Variants in ADGRD1 observed in about 807,000 individuals in gnomAD.
ADGRD1 encodes adhesion G protein-coupled receptor D1.
A neutral mutation model predicts 113.4 loss-of-function variants in ADGRD1; 77 were observed. The ratio of observed to expected loss-of-function variants is 0.68; its 90% CI spans 0.57 to 0.82. The LOEUF (loss-of-function observed/expected upper bound fraction) is 0.82, where lower values mean the gene tolerates loss of function less well. Ranked by LOEUF, ADGRD1 falls within the 40% of genes least tolerant of loss-of-function variation. The probability of loss-of-function intolerance (pLI) is 0.00; values close to 1 mark genes in which losing one functional copy is unlikely to be tolerated. For synonymous variants in ADGRD1, 474 were observed against 475.0 expected, an observed-to-expected ratio of 1.00 and a Z score of 0.03; for missense variants, 1,036 against 1,139.1, an observed-to-expected ratio of 0.91 and a Z score of 1.30.
intron 18 of ADGRD1, among the ~76,000 whole-genome samples, chr12:131,109,871 G>A (rs1391818737): frequency 6.6e-6 from 1 of 152,122 alleles, no homozygotes; most frequent in Admixed American, 6.5e-5. Flanking sequence ...TCAATTTGTT[G>A]ATGTTGTTTC....
At chr12:130,972,398 G>A (rs1871779599) in intron 4 of ADGRD1, among the ~76,000 whole-genome samples, 1 of 152,154 alleles carries the variant, frequency 6.6e-6, no homozygotes, top group African/African-American at 2.4e-5. Context: ...TGAGTTCATT[G>A]TACATGATTG....
chr12:131,139,002 ATCC>A (rs1951179530), intron 24 of ADGRD1, among the ~76,000 whole-genome samples, 163 bp from the exon 25 acceptor site: 1 of 152,112 alleles, frequency 6.6e-6, no homozygotes, highest in East Asian at 1.9e-4. Context: ...CAGTGCGCAC[ATCC>A]TCATCTCCCC....
chr12:131,136,869 T>C lies in ADGRD1; in HGVS notation c.2395-104T>C, dbSNP rs535024368. On this transcript the variant is annotated intron_variant, in intron 22 of 24. Transcript: ENST00000261654. Reference sequence around the variant, plus strand: ...CAGGTCATGGGACCTGGTGTCACAGTGTGCGGTGCCAGTGCCACTCCCAGG... The same window carrying C: ...CAGGTCATGGGACCTGGTGTCACAGCGTGCGGTGCCAGTGCCACTCCCAGG... 389 of 906,864 alleles carry C rather than the reference T, an allele frequency of 4.3e-4. No homozygotes were observed. The African/African-American group carries it at 5.2e-3, about 12-fold the overall frequency. 56.2% of individuals were successfully genotyped at this position (906,864 alleles called of 1,614,324 possible).
rs994318064 is a variant in ADGRD1 at position 130,954,177 on chromosome 12, C to G, written c.-289C>G. The G allele has an allele frequency of 1.9e-5, 7 of 364,726 alleles. No individual in the cohort carries two copies. The highest frequency in any genetic ancestry group is 2.9e-5 in the Non-Finnish European group (6 of 206,388). 22.6% of individuals were successfully genotyped at this position (364,726 alleles called of 1,614,324 possible). On this transcript the variant is annotated 5_prime_UTR_variant, in exon 1 of 25. Coordinates refer to ENST00000261654, the MANE Select transcript of ADGRD1 (RefSeq NM_198827.5). This position sits in a 1 kb window ranked among gnomAD's most constrained non-coding sequence, Gnocchi z 4.7. ...CACAGTGGTGACCTGGGATTGCTTT[C>G]CCAGGACTGCGAGTCGGGTTTGGGT... is the stretch of plus-strand genomic sequence containing the variant.
intron 17 of ADGRD1, among the ~76,000 whole-genome samples, 154 bp downstream of exon 17, chr12:131,106,019 C>T (rs1321056694): frequency 6.6e-6 from 1 of 152,006 alleles, no homozygotes; most frequent in Non-Finnish European, 1.5e-5. Context: ...AAGCAGAGAT[C>T]GTGACGTGCA....
At chr12:131,093,139 A>C (rs1471682816) in intron 15 of ADGRD1, among the ~76,000 whole-genome samples, 1 of 151,814 alleles carries the variant, frequency 6.6e-6, no homozygotes, top group Non-Finnish European at 1.5e-5. Context: ...TGACATATGC[A>C]CTGAGAAGGA....
chr12:130,975,154 G>C (rs1872156777), intron 4 of ADGRD1, among the ~76,000 whole-genome samples: 1 of 152,132 alleles, frequency 6.6e-6, no homozygotes, highest in African/African-American at 2.4e-5. Context: ...GGAATGTTCT[G>C]GCACCTTCTT....
chr12:131,063,987 A>T (rs1016662726), intron 13 of ADGRD1, among the ~76,000 whole-genome samples: 1 of 152,228 alleles, frequency 6.6e-6, no homozygotes, highest in Non-Finnish European at 1.5e-5. Flanking sequence ...AGTTTTTGGC[A>T]TACAGGTCCT....
At chr12:131,119,980 C>T (rs115188827) in intron 19 of ADGRD1, among the ~76,000 whole-genome samples, 168 of 152,294 alleles carry the variant, frequency 1.1e-3, no homozygotes, top group African/African-American at 3.8e-3. Flanking sequence ...GGCTCAGATT[C>T]CTCATCTGCA....
rs1421274627 is a variant in ADGRD1, at chr12:131,084,548, A to G, written c.1556A>G (p.Glu519Gly). The G allele has an allele frequency of 1.2e-6, 2 of 1,613,960 alleles. No individual in the cohort carries two copies. The highest frequency in any genetic ancestry group is 1.7e-6 in the Non-Finnish European group (2 of 1,179,986). Residue 519 changes from glutamate (E) to glycine (G), a missense_variant, in exon 15 of 25, where the codon GAA (glutamate) becomes GGA (glycine). Glu to Gly is a moderately conservative substitution (Grantham distance 98, BLOSUM62 -2). Transcript: ENST00000261654. The surrounding 1 kb of genome is among the most constrained non-coding windows in gnomAD (Gnocchi z 4.5). ...TTCTCCTGTGTCCTCAGCTCCGGAG[A>G]AGGGGTCTGGTCGAACCACGGCTGT... ...YCAFLDFSSG[E>G]GVWSNHGCAL... is the part of the protein sequence containing the mutation.
intron 20 of ADGRD1, among the ~76,000 whole-genome samples, chr12:131,122,722 C>T (rs1039344910): frequency 3.9e-5 from 6 of 152,226 alleles, no homozygotes; most frequent in Non-Finnish European, 5.9e-5. Context: ...TCTAGAACCG[C>T]AGGGCCTGGG....
intron 20 of ADGRD1, among the ~76,000 whole-genome samples, chr12:131,130,423 G>A (rs953245074): frequency 6.6e-6 from 1 of 152,174 alleles, no homozygotes; most frequent in Non-Finnish European, 1.5e-5. Flanking sequence ...AGGAGGGGGC[G>A]GCCCCACCAC....
chr12:130,983,458 G>A (rs560772039), intron 5 of ADGRD1, among the ~76,000 whole-genome samples: 2 of 152,244 alleles, frequency 1.3e-5, no homozygotes, highest in Admixed American at 6.5e-5. Flanking sequence ...ATCAGAGTCC[G>A]ATTGTAAGCA....
In ADGRD1 at chr12:131,108,790, G is replaced by A; in HGVS notation, c.1954G>A (p.Val652Met). 1 of 1,614,080 alleles carries A rather than the reference G, an allele frequency of 6.2e-7. No homozygotes were observed. The highest frequency in any genetic ancestry group is 8.5e-7 in the Non-Finnish European group (1 of 1,180,008). Reference protein sequence around the residue: ...FFLSAFAWMLVEGLHLYSMVI... With the variant: ...FFLSAFAWMLMEGLHLYSMVI... ...CCTGAGTGCCTTCGCATGGATGCTG[G>A]TGGAGGGGCTGCACCTCTACAGCAT... Residue 652 changes from valine to methionine, a missense_variant, in exon 18 of 25, where the codon GTG (valine) becomes ATG (methionine). Transcript: ENST00000261654.
At chr12:131,076,749 C>A in intron 13 of ADGRD1, 52 bp from the exon 14 acceptor site, 1 of 1,499,442 alleles carries the variant, frequency 6.7e-7, no homozygotes, top group Non-Finnish European at 9.3e-7. Context: ...TGCTGAGAAC[C>A]AGGGGCCTCT....
chr12:131,071,844 C>T (rs1885200170), intron 13 of ADGRD1, among the ~76,000 whole-genome samples: 1 of 151,570 alleles, frequency 6.6e-6, no homozygotes, highest in Non-Finnish European at 1.5e-5. Flanking sequence ...GCTGTACCCT[C>T]CTCTGTGGGC....
chr12:130,963,446 A>AG (rs535388662), intron 2 of ADGRD1, among the ~76,000 whole-genome samples: 26 of 152,090 alleles, frequency 1.7e-4, no homozygotes, highest in Non-Finnish European at 2.9e-4. Context: ...CCAAAACAGC[A>AG]GTATTGGTTT....
In ADGRD1 at chr12:130,997,448, G is replaced by A. The variant is rs375981596; in HGVS notation, c.967-2935G>A. Among the ~76,000 whole-genome samples, 384 of 147,334 alleles carry A rather than the reference G, an allele frequency of 2.6e-3. 5 individuals carry two copies. The East Asian group carries it at 0.04, about 15-fold the overall frequency. On this transcript the variant is annotated intron_variant, in intron 8 of 24. Transcript: ENST00000261654. ...CGGAGGGGCTCCTCACTTCTCAGAC[G>A]GGGCGGTTGCCAGGCGGAGGGTCTC...
In ADGRD1 at chr12:130,954,293, A is replaced by G; in HGVS notation, c.-173A>G. On this transcript the variant is annotated 5_prime_UTR_variant, in exon 1 of 25. Transcript: ENST00000261654. This position sits in a 1 kb window ranked among gnomAD's most constrained non-coding sequence, Gnocchi z 4.7. ...TCAAGTTTTGAGACGAGGAAGAAAC[A>G]CCCATTAGGTCTCCAAGACAGCTGT... The G allele has an allele frequency of 1.9e-6, 1 of 530,430 alleles. No homozygotes were observed. The highest frequency in any genetic ancestry group is 3.3e-6 in the Non-Finnish European group (1 of 304,270). The allele number at this position is 530,430 out of a possible 1,614,324, so 32.9% of individuals were successfully genotyped here. A position where few individuals can be genotyped will look rare whatever the true frequency, so the allele number is the denominator to read the frequency against.
Sources: allele counts gnomAD v4.1 joint callset (sites outside exome capture counted in the v4.1 genomes callset), GRCh38; gene constraint gnomAD v4.1.1; non-coding constraint Gnocchi (gnomAD v3.1); transcripts MANE v1.5; gene names NCBI Gene and HGNC (gene_info 2026-07-23, HGNC 2026-07-21).